NKAIN3: variants seen among roughly 807,000 people sequenced by gnomAD.
NKAIN3 encodes the protein sodium/potassium-transporting ATPase subunit beta-1-interacting protein 3.
In NKAIN3, 25 loss-of-function variants were observed where a neutral mutation model predicts 30.2. The observed-to-expected ratio is 0.83, with a 90% CI of 0.60 to 1.16. NKAIN3 has a LOEUF of 1.16. Ranked by LOEUF, NKAIN3 falls within the 50% of genes most tolerant of loss-of-function variation. The pLI is 0.00. For synonymous variants in NKAIN3, 91 were observed against 89.6 expected (o/e 1.02, Z -0.09); for missense variants, 225 against 254.1 (o/e 0.89, Z 0.78).
intron 5 of NKAIN3, among the ~76,000 whole-genome samples, chr8:62,937,903 AACTG>A (rs1359599308): frequency 6.6e-6 from 1 of 151,948 alleles, no homozygotes; most frequent in Non-Finnish European, 1.5e-5. Flanking sequence ...GCTGCATGAG[AACTG>A]ACTGAAGCCT....
At position 62,611,652 on chromosome 8, in the gene NKAIN3, T is replaced by C. The variant is rs184583679; in HGVS notation, c.273+21858T>C. Among the ~76,000 whole-genome samples the C allele has an allele frequency of 5.1e-3, 784 of 152,276 alleles. 7 individuals are homozygous for C. The highest frequency in any genetic ancestry group is 0.018 in the African/African-American group (758 of 41,566). On this transcript the variant is annotated intron_variant, in intron 3 of 6. Transcript: ENST00000623646. ...TTTTTTATGGCTGAATAGTACTCCA[T>C]TGTGTATACGTACCACGTTTTAAAA...
intron 4 of NKAIN3, among the ~76,000 whole-genome samples, chr8:62,789,977 C>T (rs568389521): frequency 3.9e-5 from 6 of 152,236 alleles, no homozygotes; most frequent in African/African-American, 1.2e-4. Context: ...CCAGCATCAT[C>T]CTGATACCAA....
intron 1 of NKAIN3, among the ~76,000 whole-genome samples, chr8:62,438,978 C>A (rs950958014): frequency 6.6e-6 from 1 of 152,136 alleles, no homozygotes; most frequent in Non-Finnish European, 1.5e-5. Flanking sequence ...CTGGAAGAGG[C>A]CACTGTGGCT....
At chr8:62,583,370 A>T (rs1454953737) in intron 2 of NKAIN3, among the ~76,000 whole-genome samples, 2 of 152,164 alleles carry the variant, frequency 1.3e-5, no homozygotes, top group Non-Finnish European at 2.9e-5. Context: ...GTTTTTGCTC[A>T]TCTTGATGGT....
intron 3 of NKAIN3, among the ~76,000 whole-genome samples, chr8:62,605,300 G>A (rs1811090687): frequency 6.6e-6 from 1 of 152,112 alleles, no homozygotes; most frequent in Non-Finnish European, 1.5e-5. Context: ...AACAAAATGA[G>A]CCTAATAACT....
chr8:62,863,777 G>A (rs1004334067), intron 4 of NKAIN3: 8 of 1,611,226 alleles, frequency 5.0e-6, no homozygotes, highest in Non-Finnish European at 5.1e-6. Context: ...CCAGACAGTA[G>A]AGAAGTGCCC....
intron 4 of NKAIN3, among the ~76,000 whole-genome samples, chr8:62,791,464 C>T (rs1268843754): frequency 6.6e-6 from 1 of 151,986 alleles, no homozygotes; most frequent in Non-Finnish European, 1.5e-5. Context: ...TTCAAAGGTC[C>T]AAATAAATGA....
At chr8:62,831,144 C>A (rs1039864531) in intron 4 of NKAIN3, among the ~76,000 whole-genome samples, 1 of 151,866 alleles carries the variant, frequency 6.6e-6, no homozygotes, top group Non-Finnish European at 1.5e-5. Flanking sequence ...GACAGAATTG[C>A]GTAGAAGAAA....
At chr8:62,599,108 GTA>G (rs1338358381) in intron 3 of NKAIN3, among the ~76,000 whole-genome samples, 1 of 152,044 alleles carries the variant, frequency 6.6e-6, no homozygotes, top group Admixed American at 6.6e-5. Context: ...AACTAGTAAT[GTA>G]TATTCTCATG....
chr8:62,827,195 G>A (rs1284775053), intron 4 of NKAIN3, among the ~76,000 whole-genome samples: 1 of 152,160 alleles, frequency 6.6e-6, no homozygotes, highest in Non-Finnish European at 1.5e-5. Context: ...TTGTACCCAT[G>A]CTATAAAGTC....
At chr8:62,563,124 C>A (rs1031536499) in intron 1 of NKAIN3, among the ~76,000 whole-genome samples, 4 of 152,134 alleles carry the variant, frequency 2.6e-5, no homozygotes, top group Admixed American at 6.6e-5. Context: ...AATCACTGTT[C>A]TGTAACAAAT....
Position 62,318,510 on chromosome 8 carries a change from T to C in NKAIN3, c.54+69383T>C, listed in dbSNP as rs145454232. Among the ~76,000 whole-genome samples, 960 of 152,312 alleles carry C rather than the reference T, an allele frequency of 6.3e-3. 7 individuals carry two copies. Among genetic ancestry groups the C allele is most frequent in the African/African-American group, 0.022 (909 of 41,560 alleles). On this transcript the variant is annotated intron_variant, in intron 1 of 6. Coordinates refer to ENST00000623646, the MANE Select transcript of NKAIN3 (RefSeq NM_001304533.3). ...TATTGAGAGTTTTTAGCAATGAAGGTTGTTGAAGTTGTCAAAGGCCTTTTC... is the reference window on the plus strand; with the variant it reads ...TATTGAGAGTTTTTAGCAATGAAGGCTGTTGAAGTTGTCAAAGGCCTTTTC...
chr8:62,281,724 G>A, intron 1 of NKAIN3, among the ~76,000 whole-genome samples: 1 of 151,846 alleles, frequency 6.6e-6, no homozygotes, highest in Non-Finnish European at 1.5e-5. Context: ...GTTTATGGTG[G>A]TTGTTTAGAT....
intron 5 of NKAIN3, among the ~76,000 whole-genome samples, chr8:62,948,624 T>C (rs1383811938): frequency 6.6e-6 from 1 of 152,266 alleles, no homozygotes; most frequent in Non-Finnish European, 1.5e-5. Flanking sequence ...GTTTTACAAC[T>C]TTAAAGTATC....
At chr8:62,510,551 A>G (rs558410644) in intron 1 of NKAIN3, among the ~76,000 whole-genome samples, 28 of 152,272 alleles carry the variant, frequency 1.8e-4, no homozygotes, top group African/African-American at 6.7e-4. Flanking sequence ...GATTAACTGT[A>G]TTCAGAGCCC....
At chr8:62,359,013 C>G (rs995497924) in intron 1 of NKAIN3, among the ~76,000 whole-genome samples, 1 of 152,036 alleles carries the variant, frequency 6.6e-6, no homozygotes, top group Non-Finnish European at 1.5e-5. Context: ...AACCCTGTCT[C>G]TACTAAAAAA....
At chr8:62,320,782 A>G (rs1814860341) in intron 1 of NKAIN3, among the ~76,000 whole-genome samples, 1 of 152,020 alleles carries the variant, frequency 6.6e-6, no homozygotes, top group Non-Finnish European at 1.5e-5. Flanking sequence ...CCTTCATTTC[A>G]ACTTTCGTGA....
chr8:62,448,425 A>G (rs1269228663), intron 1 of NKAIN3, among the ~76,000 whole-genome samples: 3 of 150,784 alleles, frequency 2.0e-5, no homozygotes, highest in African/African-American at 7.3e-5. Flanking sequence ...TTAGATTTAT[A>G]AAGATAATAT....
chr8:62,608,254 A>G (rs921380126), intron 3 of NKAIN3, among the ~76,000 whole-genome samples: 3 of 152,170 alleles, frequency 2.0e-5, no homozygotes, highest in Admixed American at 2.0e-4. Flanking sequence ...GGAGAAAAAC[A>G]TTGATAAATT....
Sources: gnomAD v4.1 joint callset for allele counts (sites outside exome capture counted in the v4.1 genomes callset) on GRCh38, gnomAD v4.1.1 for gene constraint, MANE v1.5 for transcripts, NCBI Gene and HGNC (gene_info 2026-07-23, HGNC 2026-07-21) for gene names.